Variants in TNFAIP8 observed in about 807,000 individuals in gnomAD.
TNFAIP8 encodes TNF alpha induced protein 8.
A neutral mutation model predicts 13.3 loss-of-function variants in TNFAIP8; 7 were observed. The observed-to-expected ratio is 0.52, with a 90% CI of 0.30 to 0.99. TNFAIP8 has a LOEUF of 0.99. Ranked by LOEUF, TNFAIP8 falls within the 50% of genes least tolerant of loss-of-function variation. The pLI is 0.07. For missense variants in TNFAIP8, 258 were observed against 236.9 expected, an observed-to-expected ratio of 1.09 and a Z score of -0.58; for synonymous variants, 94 against 87.6, an observed-to-expected ratio of 1.07 and a Z score of -0.41.
chr5:119,303,193 A>C (rs541329951), intron 1 of TNFAIP8, among the ~76,000 whole-genome samples: 120 of 152,246 alleles, frequency 7.9e-4, no homozygotes, highest in African/African-American at 2.7e-3. Context: ...ATTAGAGATA[A>C]CTTCTTGGTT....
upstream of TNFAIP8, among the ~76,000 whole-genome samples, chr5:119,352,086 C>A (rs1415805955): frequency 1.3e-5 from 2 of 152,140 alleles, no homozygotes; most frequent in Non-Finnish European, 2.9e-5. Flanking sequence ...CTGTGCCCGG[C>A]CATAAATACC....
chr5:119,380,284 C>T (rs1165645559), intron 1 of TNFAIP8, among the ~76,000 whole-genome samples: 1 of 152,234 alleles, frequency 6.6e-6, no homozygotes, highest in African/African-American at 2.4e-5. Context: ...TGGCCAGGAG[C>T]AACCTGATGA....
At chr5:119,291,125 T>C (rs771225426) in intron 1 of TNFAIP8, among the ~76,000 whole-genome samples, 13 of 152,236 alleles carry the variant, frequency 8.5e-5, no homozygotes, top group Non-Finnish European at 1.5e-4. Flanking sequence ...ATTTCTAAAA[T>C]TGTGTAACAC....
intron 1 of TNFAIP8, among the ~76,000 whole-genome samples, chr5:119,317,392 A>G (rs1004401071): frequency 6.6e-6 from 1 of 152,140 alleles, no homozygotes; most frequent in African/African-American, 2.4e-5. Context: ...ATAAGAAATT[A>G]TATAAGAAAT....
intron 1 of TNFAIP8, among the ~76,000 whole-genome samples, chr5:119,320,885 TA>T (rs142803638): frequency 0.21 from 31,461 of 147,220 alleles, 3,987 homozygotes; most frequent in Non-Finnish European, 0.29. Context: ...CTTAACCTGC[TA>T]AAAAAAAAAC....
intron 1 of TNFAIP8, among the ~76,000 whole-genome samples, chr5:119,349,646 T>C (rs1046443184): frequency 2.0e-5 from 3 of 152,236 alleles, no homozygotes; most frequent in African/African-American, 7.2e-5. Flanking sequence ...AGGTCCTTAC[T>C]GAACTTTTGA....
At chr5:119,310,870 G>A (rs1334773447) in intron 1 of TNFAIP8, among the ~76,000 whole-genome samples, 1 of 151,994 alleles carries the variant, frequency 6.6e-6, no homozygotes, top group East Asian at 1.9e-4. Context: ...CTGAGAGCAG[G>A]GGTTGGCCCT....
rs55965350 is a variant in TNFAIP8, at chr5:119,311,688, C to CAAAAAAAAA, written c.1+42794_1+42802dup. On this transcript the variant is annotated intron_variant, in intron 1 of 1. Coordinates refer to the TNFAIP8 transcript ENST00000274456. ...TGGGTGACAGAGTGAGACTCCGTCT[C>CAAAAAAAAA]AAAAAAAAAAAAAAAAAAAAATCAG... Among the ~76,000 whole-genome samples the CAAAAAAAAA allele has an allele frequency of 1.4e-3, 96 of 66,592 alleles. 3 individuals are homozygous for CAAAAAAAAA. Among genetic ancestry groups the CAAAAAAAAA allele is most frequent in the African/African-American group, 2.7e-3 (42 of 15,428 alleles). The allele number at this position is 66,592 out of a possible 152,430, so 43.7% of individuals were successfully genotyped here.
chr5:119,287,126 C>A (rs566684562), intron 1 of TNFAIP8, among the ~76,000 whole-genome samples: 1 of 152,148 alleles, frequency 6.6e-6, no homozygotes, highest in African/African-American at 2.4e-5. Context: ...TCCAGGAAAC[C>A]TTTTCTGGTC....
intron 1 of TNFAIP8, among the ~76,000 whole-genome samples, chr5:119,366,283 AGTGGGGTG>A (rs1458864911): frequency 2.0e-5 from 3 of 152,120 alleles, no homozygotes; most frequent in Non-Finnish European, 4.4e-5. Flanking sequence ...CAGGAGAGAA[AGTGGGGTG>A]CTGGTGTCCA....
At chr5:119,391,861 T>G (rs533946638) in intron 1 of TNFAIP8, among the ~76,000 whole-genome samples, 2 of 152,284 alleles carry the variant, frequency 1.3e-5, no homozygotes, top group African/African-American at 4.8e-5. Context: ...ATTGAGCATT[T>G]TCACTTGACC....
chr5:119,362,168 AG>A (rs1435091217), intron 1 of TNFAIP8, among the ~76,000 whole-genome samples: 3 of 152,198 alleles, frequency 2.0e-5, no homozygotes, highest in Non-Finnish European at 4.4e-5. Flanking sequence ...GACTTCAAAG[AG>A]GGGTAACTTG....
chr5:119,292,684 ATACACACACACAC>A (rs1749031735), intron 1 of TNFAIP8, among the ~76,000 whole-genome samples: 1 of 40,336 alleles, frequency 2.5e-5, no homozygotes, highest in African/African-American at 6.5e-5. Context: ...ATATATATAT[ATACACACACACAC>A]AATGAAATAC....
intron 1 of TNFAIP8, among the ~76,000 whole-genome samples, chr5:119,358,267 G>C (rs1052879893): frequency 3.9e-5 from 6 of 152,146 alleles, no homozygotes; most frequent in African/African-American, 1.4e-4. Flanking sequence ...TGTAGTGAGA[G>C]ACTAGTATAC....
intron 1 of TNFAIP8, among the ~76,000 whole-genome samples, chr5:119,300,353 G>A (rs1457983283): frequency 6.6e-6 from 1 of 152,206 alleles, no homozygotes; most frequent in Non-Finnish European, 1.5e-5. Context: ...CTCTTTAAGT[G>A]TGGTACATTT....
intron 1 of TNFAIP8, among the ~76,000 whole-genome samples, chr5:119,337,666 G>T (rs201067602): frequency 9.8e-4 from 149 of 152,330 alleles, no homozygotes; most frequent in Non-Finnish European, 1.4e-3. Context: ...ATATTAATGC[G>T]GGGCTGCCGT....
intron 1 of TNFAIP8, among the ~76,000 whole-genome samples, chr5:119,280,400 A>C (rs1748592829): frequency 7.6e-6 from 1 of 131,258 alleles, no homozygotes; most frequent in South Asian, 2.2e-4. Flanking sequence ...CCTTCCTTTA[A>C]ATTTTTTTTT....
chr5:119,377,101 A>G (rs1274658264), intron 1 of TNFAIP8, among the ~76,000 whole-genome samples: 2 of 152,120 alleles, frequency 1.3e-5, no homozygotes, highest in Admixed American at 6.6e-5. Context: ...TTGCTTAATA[A>G]AATAAAAGTG....
intron 1 of TNFAIP8, among the ~76,000 whole-genome samples, chr5:119,281,516 T>C (rs1340519840): frequency 1.3e-5 from 2 of 152,184 alleles, no homozygotes; most frequent in African/African-American, 4.8e-5. Flanking sequence ...AATTACCTAT[T>C]TGATTACCCC....
Sources: gnomAD v4.1 joint callset for allele counts (sites outside exome capture counted in the v4.1 genomes callset) on GRCh38, gnomAD v4.1.1 for gene constraint, MANE v1.5 for transcripts, NCBI Gene and HGNC (gene_info 2026-07-23, HGNC 2026-07-21) for gene names.